The following ELMO1 variants were observed in gnomAD, a reference collection of about 807,000 sequenced individuals.
The protein encoded by ELMO1 is engulfment and cell motility protein 1.
ELMO1 carries 26 observed loss-of-function variants against 98.9 expected under a neutral mutation model. That is an observed-to-expected ratio of 0.26 (90% CI 0.19 to 0.36). The LOEUF is 0.36. ELMO1 is among the 10% of genes least tolerant of loss of function. ELMO1 has a pLI of 1.00. For synonymous variants in ELMO1, 346 were observed against 346.0 expected, an observed-to-expected ratio of 1.00 and a Z score of 0.00; for missense variants, 627 against 935.2, an observed-to-expected ratio of 0.67 and a Z score of 4.30.
intron 2 of ELMO1, among the ~76,000 whole-genome samples, chr7:37,339,947 G>C (rs184119919): frequency 7.7e-4 from 117 of 152,284 alleles, no homozygotes; most frequent in Non-Finnish European, 1.3e-3. Flanking sequence ...GGATATGTGA[G>C]AGAACCCCAA....
intron 18 of ELMO1, among the ~76,000 whole-genome samples, chr7:36,878,692 G>A (rs1804168851): frequency 1.3e-5 from 2 of 152,054 alleles, no homozygotes; most frequent in African/African-American, 2.4e-5. Context: ...AATAATTCAC[G>A]GATTTAGCCA....
chr7:37,288,886 C>T (rs1371928971), intron 4 of ELMO1, among the ~76,000 whole-genome samples: 1 of 152,170 alleles, frequency 6.6e-6, no homozygotes, highest in African/African-American at 2.4e-5. Context: ...ATTCTATGGC[C>T]AAGCACTTAG....
chr7:36,993,002 C>T lies in ELMO1; in HGVS notation c.1437+20297G>A, dbSNP rs940973278. Among the ~76,000 whole-genome samples the T allele has an allele frequency of 1.4e-4, 21 of 152,104 alleles. No individual in the cohort carries two copies. In the South Asian group the frequency reaches 2.1e-3, roughly 15 times the overall value. The stretch of plus-strand genomic sequence containing the variant: ...ATCAGAAAAGAGTGCATCAGGGATG[C>T]GGGGAAGAATATAGGGTCTGATGAG... On this transcript the variant is annotated intron_variant, in intron 16 of 21. Transcript: ENST00000310758.
chr7:37,108,713 G>A (rs561162362), intron 14 of ELMO1, among the ~76,000 whole-genome samples: 26 of 152,290 alleles, frequency 1.7e-4, no homozygotes, highest in African/African-American at 6.3e-4. Flanking sequence ...TTCCTCACTT[G>A]TGAATCTCTG....
intron 15 of ELMO1, among the ~76,000 whole-genome samples, chr7:37,014,163 ACTC>A (rs1448681126): frequency 7.5e-5 from 11 of 145,996 alleles, no homozygotes; most frequent in African/African-American, 2.8e-4. Context: ...TCTGGTCCCT[ACTC>A]TCCTCCTCCT....
intron 15 of ELMO1, among the ~76,000 whole-genome samples, chr7:37,021,363 A>G (rs922915715): frequency 2.6e-5 from 4 of 152,196 alleles, no homozygotes; most frequent in Non-Finnish European, 5.9e-5. Flanking sequence ...TATAAAATTT[A>G]TACTGAAAAA....
chr7:37,420,124 A>T (rs1375844202), intron 1 of ELMO1, among the ~76,000 whole-genome samples: 2 of 152,230 alleles, frequency 1.3e-5, no homozygotes, highest in Admixed American at 1.3e-4. Context: ...GTCAAAGCAC[A>T]GGACGAGTCT....
intron 5 of ELMO1, 36 bp from the exon 6 acceptor site, chr7:37,259,386 A>C (rs766930070): frequency 1.9e-6 from 3 of 1,597,568 alleles, no homozygotes; most frequent in Admixed American, 1.7e-5. Context: ...AGTGTTGACA[A>C]ACGAAACCAC....
At chr7:37,130,685 A>G (rs1348679738) in intron 14 of ELMO1, among the ~76,000 whole-genome samples, 1 of 152,158 alleles carries the variant, frequency 6.6e-6, no homozygotes, top group East Asian at 1.9e-4. Flanking sequence ...ATGGCTAGAA[A>G]GTGGGTGAGG....
At chr7:37,321,317 G>A (rs921896550) in intron 2 of ELMO1, among the ~76,000 whole-genome samples, 4 of 152,136 alleles carry the variant, frequency 2.6e-5, no homozygotes, top group Admixed American at 2.0e-4. Flanking sequence ...CGTAAGGTAC[G>A]TCTATCTGTC....
At chr7:37,379,284 C>T (rs891191100) in intron 1 of ELMO1, among the ~76,000 whole-genome samples, 3 of 152,266 alleles carry the variant, frequency 2.0e-5, no homozygotes, top group Middle Eastern at 6.8e-3. Context: ...TCGTGATCCA[C>T]CCACCTCGGC....
intron 1 of ELMO1, among the ~76,000 whole-genome samples, chr7:37,385,643 A>G (rs571032151): frequency 6.6e-6 from 1 of 152,344 alleles, no homozygotes; most frequent in African/African-American, 2.4e-5. Context: ...AAGAAGCTTC[A>G]TGCAAGCATG....
At chr7:36,973,058 G>A (rs933160348) in intron 16 of ELMO1, among the ~76,000 whole-genome samples, 1 of 152,224 alleles carries the variant, frequency 6.6e-6, no homozygotes, top group Non-Finnish European at 1.5e-5. Context: ...TGGGATTACA[G>A]GCGTAAGCCA....
At chr7:36,946,189 T>C (rs1026391397) in intron 16 of ELMO1, among the ~76,000 whole-genome samples, 49 of 152,260 alleles carry the variant, frequency 3.2e-4, no homozygotes, top group African/African-American at 1.1e-3. Flanking sequence ...AGGTTATTTA[T>C]AGAAACTTGT....
At chr7:37,281,953 G>A (rs564213662) in intron 4 of ELMO1, among the ~76,000 whole-genome samples, 1 of 152,266 alleles carries the variant, frequency 6.6e-6, no homozygotes, top group South Asian at 2.1e-4. Flanking sequence ...GTTCCAGACT[G>A]TACCAGCCCC....
intron 13 of ELMO1, among the ~76,000 whole-genome samples, chr7:37,134,401 T>C (rs1318290771): frequency 1.3e-5 from 2 of 151,712 alleles, no homozygotes; most frequent in African/African-American, 2.4e-5. Flanking sequence ...CTACTAAAGA[T>C]ACAAAAAATT....
chr7:37,154,543 A>G (rs1450502981), intron 13 of ELMO1, among the ~76,000 whole-genome samples: 1 of 152,242 alleles, frequency 6.6e-6, no homozygotes, highest in African/African-American at 2.4e-5. Flanking sequence ...AGCCGATTTG[A>G]TCAAGCGCAA....
intron 15 of ELMO1, among the ~76,000 whole-genome samples, chr7:37,076,594 A>G (rs1468352348): frequency 6.6e-6 from 1 of 152,218 alleles, no homozygotes; most frequent in African/African-American, 2.4e-5. Context: ...AAAATAGTTC[A>G]GTAAGTGTTA....
intron 16 of ELMO1, among the ~76,000 whole-genome samples, chr7:36,928,146 C>T (rs1298848337): frequency 6.6e-6 from 1 of 152,212 alleles, no homozygotes; most frequent in African/African-American, 2.4e-5. Context: ...AGAAGATAAA[C>T]TCCTTTGATT....
Sources: gnomAD v4.1 joint callset for allele counts (sites outside exome capture counted in the v4.1 genomes callset) on GRCh38, gnomAD v4.1.1 for gene constraint, MANE v1.5 for transcripts, NCBI Gene and HGNC (gene_info 2026-07-23, HGNC 2026-07-21) for gene names.